GRIA4: variants seen among roughly 807,000 people sequenced by gnomAD.
GRIA4 encodes the protein glutamate ionotropic receptor AMPA type subunit 4.
GRIA4 carries 34 observed loss-of-function variants against 104.0 expected under a neutral mutation model. That is an observed-to-expected ratio of 0.33 (90% CI 0.25 to 0.44). The LOEUF (loss-of-function observed/expected upper bound fraction) is 0.44. Among genes scored for constraint, GRIA4 ranks in the 20% least tolerant of loss-of-function variants. The pLI, the probability that GRIA4 is intolerant of heterozygous loss-of-function variation, is 1.00. For missense variants in GRIA4, 750 were observed against 1,096.5 expected, an observed-to-expected ratio of 0.68 and a Z score of 4.46; for synonymous variants, 386 against 381.9, an observed-to-expected ratio of 1.01 and a Z score of -0.13.
chr11:105,688,156 C>CTATATCTATCTATCTATCTATCTA (rs373564678), intron 3 of GRIA4, among the ~76,000 whole-genome samples: 1 of 72,744 alleles, frequency 1.4e-5, no homozygotes, highest in Non-Finnish European at 2.8e-5. Context: ...ATATCTATAT[C>CTATATCTATCTATCTATCTATCTA]TCTATCTATC....
chr11:105,853,672 C>T (rs141038031), intron 4 of GRIA4, among the ~76,000 whole-genome samples: 1 of 152,242 alleles, frequency 6.6e-6, no homozygotes, highest in Non-Finnish European at 1.5e-5. Flanking sequence ...ATGGCTCCAC[C>T]TGATACAATG....
intron 11 of GRIA4, among the ~76,000 whole-genome samples, chr11:105,921,689 C>T (rs950241983): frequency 2.5e-4 from 38 of 152,130 alleles, no homozygotes; most frequent in African/African-American, 8.4e-4. Flanking sequence ...TCTTCCCTCA[C>T]TAGTGGGAAC....
At chr11:105,839,694 C>T (rs1944323452) in intron 4 of GRIA4, among the ~76,000 whole-genome samples, 1 of 151,586 alleles carries the variant, frequency 6.6e-6, no homozygotes, top group Non-Finnish European at 1.5e-5. Context: ...GGCAACAGAG[C>T]AAGACTCCGT....
chr11:105,971,989 C>T lies in GRIA4; in HGVS notation c.2370C>T (p.Tyr790=), dbSNP rs762639803. The change falls in exon 15 of 17, where the codon TAC becomes TAT. Residue 790 remains tyrosine, a synonymous_variant. Coordinates refer to ENST00000282499, the MANE Select transcript of GRIA4 (RefSeq NM_000829.4). ...VLDKLKNKWW[Y]DKGECGPKDS... Reference sequence around the variant, plus strand: ...ACAAGCTGAAAAACAAATGGTGGTACGATAAAGGTGAATGTGGACCCAAGG... The same window carrying T: ...ACAAGCTGAAAAACAAATGGTGGTATGATAAAGGTGAATGTGGACCCAAGG... 2.5e-5 allele frequency: 41 copies of T among 1,612,546 alleles called. 1 individual carries two copies. Among genetic ancestry groups the T allele is most frequent in the East Asian group, 4.5e-5 (2 of 44,854 alleles).
intron 4 of GRIA4, among the ~76,000 whole-genome samples, chr11:105,762,651 A>T (rs1278946404): frequency 6.6e-6 from 1 of 152,148 alleles, no homozygotes; most frequent in African/African-American, 2.4e-5. Context: ...GGTTTGAATC[A>T]TGGGGATGGG....
chr11:105,903,907 A>C lies in GRIA4; in HGVS notation c.979A>C (p.Asn327His). 4.3e-6 allele frequency: 7 copies of C among 1,613,394 alleles called. No individual in the cohort carries two copies. The highest frequency in any genetic ancestry group is 4.2e-6 in the Non-Finnish European group (5 of 1,179,374). Residue 327 changes from asparagine (N) to histidine (H), a missense_variant, in exon 8 of 17, where the codon AAT becomes CAT. Transcript: ENST00000282499. ...RQKIDISRRG[N>H]AGDCLANPAA... is the part of the protein sequence containing the mutation. The stretch of plus-strand genomic sequence containing the variant: ...GAAAATTGATATCTCAAGGAGAGGA[A>C]ATGCTGGGGATTGTCTGGCAAATCC...
At chr11:105,642,784 C>T (rs1951408821) in intron 3 of GRIA4, among the ~76,000 whole-genome samples, 1 of 152,088 alleles carries the variant, frequency 6.6e-6, no homozygotes, top group African/African-American at 2.4e-5. Flanking sequence ...GCCTTGTCCC[C>T]CACATACCAT....
intron 3 of GRIA4, among the ~76,000 whole-genome samples, chr11:105,692,780 T>C (rs1016647571): frequency 1.3e-5 from 2 of 152,222 alleles, no homozygotes; most frequent in African/African-American, 4.8e-5. Flanking sequence ...GGTAATTTTT[T>C]ATTTATGAAG....
intron 4 of GRIA4, among the ~76,000 whole-genome samples, chr11:105,831,335 A>G (rs1036018411): frequency 2.0e-5 from 3 of 152,008 alleles, no homozygotes; most frequent in Non-Finnish European, 2.9e-5. Flanking sequence ...CAAATCTTCA[A>G]TTGCATCTCT....
intron 10 of GRIA4, among the ~76,000 whole-genome samples, chr11:105,914,523 T>G (rs572978767): frequency 5.3e-5 from 8 of 152,292 alleles, no homozygotes; most frequent in Non-Finnish European, 1.2e-4. Context: ...AAATTATATT[T>G]TATTGATTAA....
intron 4 of GRIA4, among the ~76,000 whole-genome samples, chr11:105,766,179 G>T (rs1020136113): frequency 1.3e-5 from 2 of 152,028 alleles, no homozygotes; most frequent in Non-Finnish European, 2.9e-5. Context: ...TGGATAAATA[G>T]AACTCAAGCC....
chr11:105,858,824 C>G (rs926667228), intron 4 of GRIA4, among the ~76,000 whole-genome samples: 1 of 152,052 alleles, frequency 6.6e-6, no homozygotes, highest in African/African-American at 2.4e-5. Context: ...ACATCTTTAT[C>G]TTGATATAAT....
chr11:105,831,225 A>G (rs941305884), intron 4 of GRIA4, among the ~76,000 whole-genome samples: 5 of 151,988 alleles, frequency 3.3e-5, no homozygotes, highest in Admixed American at 6.6e-5. Flanking sequence ...CTATTAACCA[A>G]TATTCCTTTT....
At chr11:105,694,036 G>T (rs574840519) in intron 3 of GRIA4, among the ~76,000 whole-genome samples, 1 of 152,032 alleles carries the variant, frequency 6.6e-6, no homozygotes, top group South Asian at 2.1e-4. Flanking sequence ...TACTTATTTT[G>T]CACGAACCAC....
intron 4 of GRIA4, among the ~76,000 whole-genome samples, chr11:105,858,765 T>C (rs559217758): frequency 1.3e-5 from 2 of 152,154 alleles, no homozygotes; most frequent in Admixed American, 1.3e-4. Context: ...GGGAAACTTG[T>C]CTTTCTGTGC....
chr11:105,979,786 G>A lies in GRIA4; in HGVS notation c.*47G>A. On this transcript the variant is annotated 3_prime_UTR_variant, in exon 17 of 17. Coordinates refer to ENST00000282499, the MANE Select transcript of GRIA4 (RefSeq NM_000829.4). ...GCCTTAATTAAACTGTTGGTGACTG[G>A]TGGAAACGCAGCCCTGAGGGACACG... The A allele has an allele frequency of 6.8e-7, 1 of 1,461,994 alleles. No homozygotes were observed. Among genetic ancestry groups the A allele is most frequent in the Non-Finnish European group, 9.5e-7 (1 of 1,050,090 alleles). 90.6% of individuals were successfully genotyped at this position (1,461,994 alleles called of 1,614,324 possible).
intron 3 of GRIA4, among the ~76,000 whole-genome samples, chr11:105,689,654 C>T (rs1953016382): frequency 6.6e-6 from 1 of 152,114 alleles, no homozygotes; most frequent in South Asian, 2.1e-4. Context: ...AAAAGGACCA[C>T]AATTAGGAAC....
chr11:105,692,255 TA>T (rs749702613), intron 3 of GRIA4, among the ~76,000 whole-genome samples: 21 of 139,680 alleles, frequency 1.5e-4, no homozygotes, highest in Admixed American at 3.6e-4. Flanking sequence ...CTCTTTTTTT[TA>T]AAAAAAAAAA....
Position 105,965,441 on chromosome 11 carries a change from G to A in GRIA4, c.2295-6473G>A, listed in dbSNP as rs58393005. The stretch of plus-strand genomic sequence containing the variant: ...TAGATTCTGCGAACAACTAAATCGA[G>A]CACACTAAACCCACATAAAAAATAA... On this transcript the variant is annotated intron_variant, in intron 14 of 16. Coordinates refer to ENST00000282499, the MANE Select transcript of GRIA4 (RefSeq NM_000829.4). Among the ~76,000 whole-genome samples the A allele has an allele frequency of 3.1e-3, 472 of 151,542 alleles. 6 individuals carry two copies. Among genetic ancestry groups the A allele is most frequent in the African/African-American group, 0.011 (450 of 41,208 alleles).
Sources: allele counts gnomAD v4.1 joint callset (sites outside exome capture counted in the v4.1 genomes callset), GRCh38; gene constraint gnomAD v4.1.1; transcripts MANE v1.5; gene names NCBI Gene and HGNC (gene_info 2026-07-23, HGNC 2026-07-21).